Variants in EFCAB5 observed in about 807,000 individuals in gnomAD.
EFCAB5 encodes EF-hand calcium binding domain 5.
A neutral mutation model predicts 167.9 loss-of-function variants in EFCAB5; 131 were observed. That is an observed-to-expected ratio of 0.78 (90% CI 0.68 to 0.90). EFCAB5 has a LOEUF of 0.90. Among genes scored for constraint, EFCAB5 ranks in the 40% least tolerant of loss-of-function variants. The pLI, the probability that EFCAB5 is intolerant of heterozygous loss-of-function variation, is 0.00. For synonymous variants in EFCAB5, 574 were observed against 602.8 expected, an observed-to-expected ratio of 0.95 and a Z score of 0.70; for missense variants, 1,663 against 1,745.2, an observed-to-expected ratio of 0.95 and a Z score of 0.84.
chr17:30,100,316 C>T (rs747696267), intron 22 of EFCAB5, among the ~76,000 whole-genome samples: 5 of 152,008 alleles, frequency 3.3e-5, no homozygotes, highest in Middle Eastern at 3.2e-3. Context: ...AAGGGGAGAG[C>T]AGAGGATAAG....
chr17:30,008,753 T>G (rs1219839251), intron 7 of EFCAB5, among the ~76,000 whole-genome samples: 1 of 152,188 alleles, frequency 6.6e-6, no homozygotes, highest in Non-Finnish European at 1.5e-5. Context: ...CTTTTTTTGG[T>G]AGCAGCTTTA....
chr17:29,951,519 T>TA (rs910093393), intron 3 of EFCAB5, among the ~76,000 whole-genome samples: 15 of 148,742 alleles, frequency 1.0e-4, no homozygotes, highest in Admixed American at 2.7e-4. Flanking sequence ...TTGTATTTTT[T>TA]TTTTTATTTT....
chr17:30,000,645 A>T (rs2068641948), intron 7 of EFCAB5, among the ~76,000 whole-genome samples: 1 of 151,976 alleles, frequency 6.6e-6, no homozygotes, highest in African/African-American at 2.4e-5. Flanking sequence ...TTCTCTTTTC[A>T]TACACCTTTG....
chr17:29,978,432 G>T (rs2068104179), intron 4 of EFCAB5, among the ~76,000 whole-genome samples: 1 of 152,166 alleles, frequency 6.6e-6, no homozygotes, highest in Admixed American at 6.5e-5. Context: ...CTAGTTTCAT[G>T]TCCATCTCTA....
rs899890890 is a variant in EFCAB5, at chr17:30,055,963, C to T, written c.2270C>T (p.Ser757Leu). The T allele has an allele frequency of 4.3e-6, 7 of 1,613,588 alleles. No homozygotes were observed. The Admixed American group carries it at 1.2e-4, about 27-fold the overall frequency. Residue 757 changes from serine (S) to leucine (L), a missense_variant and splice_region_variant, in exon 11 of 23, where the codon TCA becomes TTA. Physicochemically the swap from Ser to Leu is moderately radical, Grantham distance 145. Coordinates refer to ENST00000394835, the MANE Select transcript of EFCAB5 (RefSeq NM_198529.4). ...CAAAAAATAGAAGGAAAGTCATGGTCAGGTAACTCCTCATTTAATCCTCCT... is the reference window on the plus strand; with the variant it reads ...CAAAAAATAGAAGGAAAGTCATGGTTAGGTAACTCCTCATTTAATCCTCCT... Reference protein sequence around the residue: ...KSQKIEGKSWSGEFFTCNWKM... With the variant: ...KSQKIEGKSWLGEFFTCNWKM...
rs1264013625 is a variant in EFCAB5, at chr17:29,966,107, A to T, written c.191-2684A>T. 9.2e-5 allele frequency among the ~76,000 whole-genome samples: 14 copies of T among 152,166 alleles called. 1 individual carries two copies. In the East Asian group the frequency reaches 2.7e-3, roughly 29 times the overall value. On this transcript the variant is annotated intron_variant, in intron 3 of 22. Coordinates refer to ENST00000394835, the MANE Select transcript of EFCAB5 (RefSeq NM_198529.4). ...TACCATTTAAACTGTGTTAAAGTGTACAATTCAGAGCCATTAAGTAAATTC... is the reference window on the plus strand; with the variant it reads ...TACCATTTAAACTGTGTTAAAGTGTTCAATTCAGAGCCATTAAGTAAATTC...
intron 7 of EFCAB5, among the ~76,000 whole-genome samples, chr17:30,020,177 T>G (rs533532786): frequency 6.6e-6 from 1 of 152,278 alleles, no homozygotes; most frequent in Admixed American, 6.5e-5. Flanking sequence ...TCATTGTTAA[T>G]GAATACTTAG....
intron 16 of EFCAB5, 83 bp downstream of exon 16, chr17:30,080,324 T>C: frequency 7.0e-7 from 1 of 1,426,576 alleles, no homozygotes; most frequent in Non-Finnish European, 9.3e-7. Flanking sequence ...AGATCCCAGC[T>C]AGCTGCTCAA....
intron 3 of EFCAB5, among the ~76,000 whole-genome samples, chr17:29,958,941 T>A (rs542619801): frequency 6.6e-6 from 1 of 152,282 alleles, no homozygotes; most frequent in African/African-American, 2.4e-5. Flanking sequence ...TTCCCGGGAT[T>A]ACCAGGCAGA....
intron 7 of EFCAB5, among the ~76,000 whole-genome samples, chr17:30,022,107 G>T (rs2069193938): frequency 6.6e-6 from 1 of 152,060 alleles, no homozygotes. Flanking sequence ...AAATGAACAG[G>T]TGATAATCTG....
Position 29,941,784 on chromosome 17 carries a change from T to C in EFCAB5, c.-13T>C. 1.2e-6 allele frequency: 2 copies of C among 1,600,388 alleles called. No individual in the cohort carries two copies. Among genetic ancestry groups the C allele is most frequent in the Non-Finnish European group, 1.7e-6 (2 of 1,171,952 alleles). ...TTCTTCTATACCATTTGGTGATAAC[T>C]TTTGGAGTCCAAATGAATGAGTCAG... is the stretch of plus-strand genomic sequence containing the variant. On this transcript the variant is annotated 5_prime_UTR_variant, in exon 1 of 23. Transcript: ENST00000394835.
At chr17:30,002,059 A>G (rs2068674562) in intron 7 of EFCAB5, among the ~76,000 whole-genome samples, 1 of 152,140 alleles carries the variant, frequency 6.6e-6, no homozygotes, top group Admixed American at 6.5e-5. Context: ...GTAAGTTTTT[A>G]GTTTTAATTT....
chr17:30,092,668 C>A (rs73274852), intron 21 of EFCAB5, among the ~76,000 whole-genome samples, 172 bp from the exon 22 acceptor site: 7 of 152,086 alleles, frequency 4.6e-5, no homozygotes, highest in African/African-American at 1.7e-4. Flanking sequence ...GGATTACAGG[C>A]GTGAGCCACC....
At chr17:30,092,815 A>C in intron 21 of EFCAB5, 25 bp from the exon 22 acceptor site, 8 of 1,559,524 alleles carry the variant, frequency 5.1e-6, no homozygotes, top group African/African-American at 1.4e-5. Context: ...GATCCCATAA[A>C]TTTTCTCTTG....
intron 7 of EFCAB5, among the ~76,000 whole-genome samples, chr17:30,003,982 T>C (rs746609324): frequency 5.3e-5 from 8 of 152,192 alleles, no homozygotes; most frequent in Non-Finnish European, 8.8e-5. Flanking sequence ...GCAGACACAT[T>C]GAAGGGTGAA....
chr17:30,053,604 A>C lies in EFCAB5; in HGVS notation c.1650A>C (p.Thr550=). 1.2e-6 allele frequency: 2 copies of C among 1,613,984 alleles called. No homozygotes were observed. Among genetic ancestry groups the C allele is most frequent in the Non-Finnish European group, 8.5e-7 (1 of 1,179,862 alleles). ...CAGTAATAGAACCAGGAACACACAC[A>C]GAGTCAACTCTAGAACAAGGGTCAA... ...IESVIEPGTH[T]ESTLEQGSSR... The change falls in exon 10 of 23, where the codon ACA becomes ACC. Residue 550 remains threonine (T), a synonymous_variant. Transcript: ENST00000394835.
intron 8 of EFCAB5, among the ~76,000 whole-genome samples, chr17:30,043,295 T>TA (rs1158364087): frequency 6.6e-6 from 1 of 152,178 alleles, no homozygotes; most frequent in Middle Eastern, 3.2e-3. Flanking sequence ...CAGCTATACT[T>TA]ACAATGGTAA....
chr17:29,952,286 C>A (rs994704597), intron 3 of EFCAB5, among the ~76,000 whole-genome samples: 3 of 152,220 alleles, frequency 2.0e-5, no homozygotes, highest in African/African-American at 7.2e-5. Flanking sequence ...TTAATCACTT[C>A]CCTAAAGGTA....
chr17:29,946,133 A>G (rs2067391956), intron 3 of EFCAB5, among the ~76,000 whole-genome samples: 1 of 152,198 alleles, frequency 6.6e-6, no homozygotes, highest in Admixed American at 6.5e-5. Context: ...AATCAGCAAG[A>G]AGAAAAAAAT....
Sources: allele counts gnomAD v4.1 joint callset (sites outside exome capture counted in the v4.1 genomes callset), GRCh38; gene constraint gnomAD v4.1.1; transcripts MANE v1.5; gene names NCBI Gene and HGNC (gene_info 2026-07-23, HGNC 2026-07-21).